Variants in ROBO1 observed in about 807,000 individuals in gnomAD.
The protein encoded by ROBO1 is roundabout guidance receptor 1.
A neutral mutation model predicts 195.9 loss-of-function variants in ROBO1; 149 were observed. The observed-to-expected ratio is 0.76, with a 90% CI of 0.67 to 0.87. ROBO1 has a LOEUF of 0.87. Among genes scored for constraint, ROBO1 ranks in the 40% least tolerant of loss-of-function variants. ROBO1 has a pLI of 0.00. For synonymous variants in ROBO1, 816 were observed against 733.2 expected (o/e 1.11, Z -1.82); for missense variants, 1,933 against 2,068.3 (o/e 0.93, Z 1.27).
chr3:79,566,302 T>G (rs1160456259), intron 2 of ROBO1, among the ~76,000 whole-genome samples: 2 of 152,168 alleles, frequency 1.3e-5, no homozygotes, highest in Admixed American at 1.3e-4. Context: ...ACAGCGGATA[T>G]TAACAAGTTT....
At chr3:78,660,805 C>T (rs1417585530) in intron 16 of ROBO1, 3 of 431,444 alleles carry the variant, frequency 7.0e-6, no homozygotes, top group African/African-American at 4.0e-5. Context: ...ATAATGTTCA[C>T]ATTTACACAT....
At chr3:78,848,768 T>G (rs1192715160) in intron 4 of ROBO1, among the ~76,000 whole-genome samples, 1 of 152,198 alleles carries the variant, frequency 6.6e-6, no homozygotes, top group Admixed American at 6.6e-5. Flanking sequence ...AAAGTCTGTC[T>G]AATCTCCAAG....
At chr3:78,997,396 CCGAGTAGAGTGGTGATCCAT>C (rs2077394650) in intron 3 of ROBO1, among the ~76,000 whole-genome samples, 1 of 152,088 alleles carries the variant, frequency 6.6e-6, no homozygotes, top group Non-Finnish European at 1.5e-5. Context: ...TTGGTATTCA[CCGAGTAGAGTGGTGATCCAT>C]TCTAAGCATT....
chr3:79,380,847 C>T (rs935128668), intron 2 of ROBO1, among the ~76,000 whole-genome samples: 1 of 152,002 alleles, frequency 6.6e-6, no homozygotes, highest in Non-Finnish European at 1.5e-5. Flanking sequence ...AGCTTTGAAC[C>T]CTTATGCTTG....
At chr3:78,907,972 C>T (rs1387779113) in intron 4 of ROBO1, among the ~76,000 whole-genome samples, 1 of 151,554 alleles carries the variant, frequency 6.6e-6, no homozygotes, top group Non-Finnish European at 1.5e-5. Flanking sequence ...TGTATGCCGC[C>T]CAAAGTATCA....
At chr3:79,720,229 C>T (rs1702643250) in intron 1 of ROBO1, among the ~76,000 whole-genome samples, 1 of 152,140 alleles carries the variant, frequency 6.6e-6, no homozygotes, top group South Asian at 2.1e-4. Context: ...GCAGCTTCTG[C>T]CTTGGCCTCA....
chr3:79,553,149 T>C (rs1942580710), intron 2 of ROBO1, among the ~76,000 whole-genome samples: 1 of 152,044 alleles, frequency 6.6e-6, no homozygotes, highest in Non-Finnish European at 1.5e-5. Context: ...TCAAGATCAT[T>C]ACTGAATGTG....
At position 79,315,508 on chromosome 3, in the gene ROBO1, A is replaced by G. The variant is rs1044359024; in HGVS notation, c.89-189969T>C. Among the ~76,000 whole-genome samples the G allele has an allele frequency of 1.2e-4, 18 of 152,176 alleles. No homozygotes were observed. In the South Asian group the frequency reaches 2.5e-3, roughly 21 times the overall value. ...TTAAGCAGACATAACTTACTGACAC[A>G]AAGTGCTGTATGAGAAGATGGGAAA... On this transcript the variant is annotated intron_variant, in intron 2 of 30. Coordinates refer to ENST00000464233, the MANE Select transcript of ROBO1 (RefSeq NM_002941.4).
intron 2 of ROBO1, among the ~76,000 whole-genome samples, chr3:79,168,618 G>A (rs1326998133): frequency 6.6e-6 from 1 of 152,006 alleles, no homozygotes; most frequent in Non-Finnish European, 1.5e-5. Context: ...TCTAATGTTT[G>A]GAGGTTAAAG....
At chr3:79,745,713 T>C (rs1703844671) in intron 1 of ROBO1, among the ~76,000 whole-genome samples, 1 of 152,162 alleles carries the variant, frequency 6.6e-6, no homozygotes. Flanking sequence ...TCCCTTTTCA[T>C]TTTTGGAAAA....
chr3:79,664,518 G>C (rs981904370), intron 1 of ROBO1, among the ~76,000 whole-genome samples: 2 of 151,966 alleles, frequency 1.3e-5, no homozygotes, highest in African/African-American at 2.4e-5. Flanking sequence ...ATATGCTTTA[G>C]CATCTCATTC....
chr3:79,393,208 T>A (rs953166677), intron 2 of ROBO1, among the ~76,000 whole-genome samples: 1 of 152,194 alleles, frequency 6.6e-6, no homozygotes, highest in Admixed American at 6.5e-5. Flanking sequence ...AAATTAGAAA[T>A]GGATGAATGC....
chr3:78,621,290 AC>A (rs199633873), intron 26 of ROBO1, among the ~76,000 whole-genome samples: 1,924 of 152,314 alleles, frequency 0.013, 24 homozygotes, highest in South Asian at 0.041. Context: ...TTGTCAGCAT[AC>A]AAACCCAAAA....
intron 4 of ROBO1, among the ~76,000 whole-genome samples, chr3:78,822,093 T>TACACACACAC (rs113114251): frequency 0.016 from 2,423 of 146,928 alleles, 26 homozygotes; most frequent in African/African-American, 0.029. Context: ...CACATATACA[T>TACACACACAC]ACACACACAC....
intron 3 of ROBO1, among the ~76,000 whole-genome samples, chr3:78,968,787 G>T (rs1477521584): frequency 2.6e-5 from 4 of 151,994 alleles, no homozygotes; most frequent in Non-Finnish European, 5.9e-5. Flanking sequence ...CTGACAAATA[G>T]GTTTCATTCA....
At position 78,827,017 on chromosome 3, in the gene ROBO1, CAA is replaced by C. The variant is rs1453541702; in HGVS notation, c.500-80119_500-80118del. Among the ~76,000 whole-genome samples, 4 of 151,842 alleles carry C rather than the reference CAA, an allele frequency of 2.6e-5. No individual in the cohort carries two copies. In the East Asian group the frequency reaches 7.7e-4, roughly 29 times the overall value. On this transcript the variant is annotated intron_variant, in intron 4 of 30. Coordinates refer to ENST00000464233, the MANE Select transcript of ROBO1 (RefSeq NM_002941.4). ...TAAATTTTATTTATATTATATAAAA[CAA>C]AGAGGAAATAGGAAACTAAATGCTG...
intron 2 of ROBO1, among the ~76,000 whole-genome samples, chr3:79,160,038 C>A (rs1291445799): frequency 6.6e-6 from 1 of 152,030 alleles, no homozygotes; most frequent in East Asian, 1.9e-4. Flanking sequence ...TTCCTGAGGA[C>A]ATATTTTAGT....
intron 1 of ROBO1, among the ~76,000 whole-genome samples, chr3:79,740,207 A>T (rs1703575641): frequency 8.4e-6 from 1 of 118,814 alleles, no homozygotes; most frequent in African/African-American, 3.1e-5. Context: ...TAAAAAATAT[A>T]TATATTTATA....
At chr3:79,021,044 C>A (rs928476343) in intron 3 of ROBO1, among the ~76,000 whole-genome samples, 3 of 152,094 alleles carry the variant, frequency 2.0e-5, no homozygotes, top group African/African-American at 7.2e-5. Flanking sequence ...CTTAGAGCGA[C>A]ATTTTGTGGA....
Sources: allele counts gnomAD v4.1 joint callset (sites outside exome capture counted in the v4.1 genomes callset), GRCh38; gene constraint gnomAD v4.1.1; transcripts MANE v1.5; gene names NCBI Gene and HGNC (gene_info 2026-07-23, HGNC 2026-07-21).